Variants in LRRC8D observed in about 807,000 individuals in gnomAD.
LRRC8D encodes the protein volume-regulated anion channel subunit LRRC8D.
In LRRC8D, 20 loss-of-function variants were observed where a neutral mutation model predicts 55.8. The ratio of observed to expected loss-of-function variants is 0.36; its 90% CI spans 0.25 to 0.52. LRRC8D has a LOEUF of 0.52. Among genes scored for constraint, LRRC8D ranks in the 20% least tolerant of loss-of-function variants. The probability of loss-of-function intolerance (pLI) is 0.93; values close to 1 mark genes in which losing one functional copy is unlikely to be tolerated. For synonymous variants in LRRC8D, 352 were observed against 377.0 expected (o/e 0.93, Z 0.77); for missense variants, 651 against 1,030.8 (o/e 0.63, Z 5.05).
intron 2 of LRRC8D, among the ~76,000 whole-genome samples, chr1:89,865,330 T>TTATATATATATATA (rs34852331): frequency 1.4e-5 from 2 of 139,294 alleles, no homozygotes; most frequent in African/African-American, 2.6e-5. Context: ...AAACATGAAA[T>TTATATATATATATA]TATATATATA....
chr1:89,853,820 G>T (rs973792399), intron 2 of LRRC8D, among the ~76,000 whole-genome samples: 2 of 152,162 alleles, frequency 1.3e-5, no homozygotes, highest in Non-Finnish European at 2.9e-5. Context: ...GAATGAGGAG[G>T]AGTTAAGAAG....
intron 1 of LRRC8D, among the ~76,000 whole-genome samples, chr1:89,827,742 G>A (rs1035224961): frequency 6.6e-6 from 1 of 152,150 alleles, no homozygotes; most frequent in African/African-American, 2.4e-5. Context: ...CTGTCAGTGT[G>A]GTTAGGATAG....
chr1:89,860,076 C>A (rs10493832), intron 2 of LRRC8D, among the ~76,000 whole-genome samples: 3 of 152,132 alleles, frequency 2.0e-5, no homozygotes, highest in African/African-American at 7.2e-5. Context: ...GGCCTAAAAG[C>A]CAGATAGTTT....
intron 2 of LRRC8D, among the ~76,000 whole-genome samples, chr1:89,844,247 T>C (rs927706104): frequency 2.0e-5 from 3 of 152,136 alleles, no homozygotes; most frequent in Non-Finnish European, 2.9e-5. Context: ...AGATGAGTTG[T>C]GGGTGAAGTG....
intron 2 of LRRC8D, among the ~76,000 whole-genome samples, chr1:89,920,819 T>C (rs978615368): frequency 3.3e-5 from 5 of 152,134 alleles, no homozygotes; most frequent in Admixed American, 6.5e-5. Flanking sequence ...TGAGTATCTG[T>C]GTGTACATAC....
intron 2 of LRRC8D, among the ~76,000 whole-genome samples, chr1:89,855,663 C>G (rs752501163): frequency 6.6e-6 from 1 of 152,190 alleles, no homozygotes; most frequent in African/African-American, 2.4e-5. Context: ...TATACAATTG[C>G]CTCTCCACCT....
chr1:89,824,900 TG>T (rs1260831639), intron 1 of LRRC8D, among the ~76,000 whole-genome samples: 1 of 152,250 alleles, frequency 6.6e-6, no homozygotes, highest in Admixed American at 6.5e-5. Context: ...AGCTTACAAC[TG>T]CCTATGATTT....
chr1:89,846,901 G>A (rs1661295915), intron 2 of LRRC8D, among the ~76,000 whole-genome samples: 1 of 151,836 alleles, frequency 6.6e-6, no homozygotes, highest in Non-Finnish European at 1.5e-5. Context: ...CTTACTCCTA[G>A]GGCAGTTTAT....
intron 2 of LRRC8D, among the ~76,000 whole-genome samples, chr1:89,861,894 A>G (rs1330422187): frequency 2.0e-5 from 3 of 152,256 alleles, no homozygotes; most frequent in African/African-American, 4.8e-5. Flanking sequence ...GAGAAGAAGA[A>G]TATCAGATCC....
At chr1:89,887,106 A>C (rs1662437480) in intron 2 of LRRC8D, among the ~76,000 whole-genome samples, 1 of 152,206 alleles carries the variant, frequency 6.6e-6, no homozygotes, top group African/African-American at 2.4e-5. Context: ...GACTTGTTGA[A>C]TATACTAGTC....
chr1:89,842,655 A>G (rs545603261), intron 1 of LRRC8D, among the ~76,000 whole-genome samples: 1 of 152,160 alleles, frequency 6.6e-6, no homozygotes, highest in African/African-American at 2.4e-5. Flanking sequence ...CTGTGCATGT[A>G]AGGGCAGGCA....
At chr1:89,840,653 T>G (rs1436641998) in intron 1 of LRRC8D, among the ~76,000 whole-genome samples, 1 of 152,214 alleles carries the variant, frequency 6.6e-6, no homozygotes, top group African/African-American at 2.4e-5. Flanking sequence ...TATATATCAT[T>G]AAATTATCAC....
chr1:89,844,064 T>C (rs10922734), intron 2 of LRRC8D, among the ~76,000 whole-genome samples: 149,497 of 152,280 alleles, frequency 0.98, 73,441 homozygotes, highest in Middle Eastern at 1. Context: ...CTGCCAGTGC[T>C]CGGGGAGTCT....
intron 2 of LRRC8D, among the ~76,000 whole-genome samples, chr1:89,856,351 C>T (rs867070875): frequency 6.6e-6 from 1 of 152,142 alleles, no homozygotes; most frequent in African/African-American, 2.4e-5. Flanking sequence ...CACACACACT[C>T]TCAGGTAAGG....
At chr1:89,914,309 G>A (rs1663204603) in intron 2 of LRRC8D, among the ~76,000 whole-genome samples, 1 of 152,232 alleles carries the variant, frequency 6.6e-6, no homozygotes. Flanking sequence ...CGCAAGCACA[G>A]CACGCAGCCT....
chr1:89,900,514 T>TA (rs71738758), intron 2 of LRRC8D, among the ~76,000 whole-genome samples: 2,122 of 143,764 alleles, frequency 0.015, 38 homozygotes, highest in African/African-American at 0.048. Flanking sequence ...ATGTCCATCA[T>TA]AAAAAAAAAA....
intron 2 of LRRC8D, among the ~76,000 whole-genome samples, chr1:89,906,371 A>G (rs181696683): frequency 1.0e-3 from 157 of 152,364 alleles, no homozygotes; most frequent in Admixed American, 5.0e-3. Flanking sequence ...AGCCGCTATC[A>G]TCACTGAAGG....
chr1:89,893,665 T>C (rs1662633403), intron 2 of LRRC8D, among the ~76,000 whole-genome samples: 1 of 152,210 alleles, frequency 6.6e-6, no homozygotes, highest in African/African-American at 2.4e-5. Context: ...CTGAATGCTT[T>C]AATATCTAGT....
chr1:89,916,048 C>T (rs1464971346), intron 2 of LRRC8D, among the ~76,000 whole-genome samples: 2 of 152,160 alleles, frequency 1.3e-5, no homozygotes, highest in African/African-American at 2.4e-5. Context: ...AAGGTTTAAG[C>T]GTGTTTATGA....
Sources: allele counts gnomAD v4.1 joint callset (sites outside exome capture counted in the v4.1 genomes callset), GRCh38; gene constraint gnomAD v4.1.1; transcripts MANE v1.5; gene names NCBI Gene and HGNC (gene_info 2026-07-23, HGNC 2026-07-21).